Variants in UNC5D observed in about 807,000 individuals in gnomAD.
UNC5D encodes the protein netrin receptor UNC5D.
In UNC5D, 39 loss-of-function variants were observed where a neutral mutation model predicts 105.4. That is an observed-to-expected ratio of 0.37 (90% CI 0.29 to 0.48). The LOEUF (loss-of-function observed/expected upper bound fraction) is 0.48, where lower values mean the gene tolerates loss of function less well. Ranked by LOEUF, UNC5D falls within the 20% of genes least tolerant of loss-of-function variation. The pLI, the probability that UNC5D is intolerant of heterozygous loss-of-function variation, is 0.98. For synonymous variants in UNC5D, 452 were observed against 450.4 expected (o/e 1.00, Z -0.04); for missense variants, 991 against 1,202.4 (o/e 0.82, Z 2.60).
At chr8:35,350,523 C>T (rs1045692348) in intron 1 of UNC5D, among the ~76,000 whole-genome samples, 5 of 151,920 alleles carry the variant, frequency 3.3e-5, no homozygotes, top group Non-Finnish European at 5.9e-5. Context: ...TACTATTCAA[C>T]GATATATTTA....
At chr8:35,738,073 T>C (rs1829566061) in intron 11 of UNC5D, among the ~76,000 whole-genome samples, 1 of 152,050 alleles carries the variant, frequency 6.6e-6, no homozygotes, top group Non-Finnish European at 1.5e-5. Flanking sequence ...GCCATTGCAC[T>C]CCAGCCTGGG....
chr8:35,411,281 A>G (rs1805148139), intron 1 of UNC5D, among the ~76,000 whole-genome samples: 1 of 152,012 alleles, frequency 6.6e-6, no homozygotes, highest in African/African-American at 2.4e-5. Flanking sequence ...CCCTCCTGAG[A>G]TTTGCAAATT....
chr8:35,368,791 AAG>A (rs1802274793), intron 1 of UNC5D, among the ~76,000 whole-genome samples: 1 of 152,176 alleles, frequency 6.6e-6, no homozygotes, highest in Non-Finnish European at 1.5e-5. Flanking sequence ...CCCTTAGAAC[AAG>A]AGACAGTAGA....
intron 1 of UNC5D, among the ~76,000 whole-genome samples, chr8:35,372,939 T>A (rs972881961): frequency 2.0e-5 from 3 of 152,210 alleles, no homozygotes; most frequent in African/African-American, 7.2e-5. Context: ...CATATTTCCT[T>A]TGAGCAAATG....
At chr8:35,497,874 A>G (rs1811705797) in intron 1 of UNC5D, among the ~76,000 whole-genome samples, 1 of 151,950 alleles carries the variant, frequency 6.6e-6, no homozygotes, top group African/African-American at 2.4e-5. Flanking sequence ...GTTTGAGACC[A>G]GCCTGACCAA....
At chr8:35,748,381 CTCCAGACCAG>C (rs1210409881) in intron 11 of UNC5D, 136 bp from the exon 12 acceptor site, 1 of 799,730 alleles carries the variant, frequency 1.3e-6, no homozygotes, top group African/African-American at 1.8e-5. Flanking sequence ...AATGCTTGTT[CTCCAGACCAG>C]TCCTTTGTAA....
At chr8:35,512,180 A>C (rs1586015693) in intron 1 of UNC5D, among the ~76,000 whole-genome samples, 1 of 152,112 alleles carries the variant, frequency 6.6e-6, no homozygotes, top group East Asian at 1.9e-4. Flanking sequence ...ATAAAGCATA[A>C]GTTCAAAAGT....
intron 8 of UNC5D, among the ~76,000 whole-genome samples, chr8:35,718,838 A>G (rs1377323108): frequency 1.3e-5 from 2 of 152,162 alleles, no homozygotes; most frequent in South Asian, 2.1e-4. Flanking sequence ...GTCGGGGGGT[A>G]TATGTTACAC....
chr8:35,550,546 A>G (rs7845667), intron 2 of UNC5D, among the ~76,000 whole-genome samples: 22,714 of 152,114 alleles, frequency 0.15, 2,119 homozygotes, highest in East Asian at 0.26. Context: ...TATTAACTAT[A>G]TAGCAACGAT....
In UNC5D at chr8:35,726,381, C is replaced by T. The variant is rs1227092630; in HGVS notation, c.1533C>T (p.Pro511=). Residue 511 remains proline (P), a synonymous_variant, in exon 10 of 17, where the codon CCC becomes CCT. Transcript: ENST00000404895. ...GCAAGAATCATTCCAGGACTTTTCC[C>T]CATGGAAACAACCACAGCTTTAGTA... ...YHGKNHSRTF[P]HGNNHSFSTM... 2 of 1,614,100 alleles carry T rather than the reference C, an allele frequency of 1.2e-6. No homozygotes were observed. Among genetic ancestry groups the T allele is most frequent in the Non-Finnish European group, 1.7e-6 (2 of 1,180,012 alleles).
chr8:35,613,617 G>T (rs1056093275), intron 4 of UNC5D, among the ~76,000 whole-genome samples: 1 of 152,096 alleles, frequency 6.6e-6, no homozygotes, highest in Non-Finnish European at 1.5e-5. Context: ...CAGCACTTTG[G>T]GTGGGTGGGT....
intron 1 of UNC5D, among the ~76,000 whole-genome samples, chr8:35,424,614 A>G (rs1370564428): frequency 1.3e-5 from 2 of 152,154 alleles, no homozygotes; most frequent in Non-Finnish European, 2.9e-5. Context: ...CTGGCTTGGT[A>G]AATCTGGGTG....
chr8:35,430,926 A>G (rs1806591400), intron 1 of UNC5D, among the ~76,000 whole-genome samples: 1 of 152,116 alleles, frequency 6.6e-6, no homozygotes. Flanking sequence ...GCACAAACAC[A>G]CTACTTAAGT....
In UNC5D at chr8:35,750,782, T is replaced by C; in HGVS notation, c.2136T>C (p.Cys712=). The part of the protein sequence containing the change: ...NSLDYNLRVY[C]VDNTPCAFQE... Reference sequence around the variant, plus strand: ...TGGATTACAACTTGAGAGTTTACTGTGTGGACAATACCCCTTGTGCATTTC... The same window carrying C: ...TGGATTACAACTTGAGAGTTTACTGCGTGGACAATACCCCTTGTGCATTTC... Residue 712 remains cysteine (C), a synonymous_variant, in exon 13 of 17, where the codon TGT becomes TGC. Transcript: ENST00000404895. 1 of 1,614,172 alleles carries C rather than the reference T, an allele frequency of 6.2e-7. No individual in the cohort carries two copies. The highest frequency in any genetic ancestry group is 8.5e-7 in the Non-Finnish European group (1 of 1,180,014).
chr8:35,790,285 C>T (rs1802976615), intron 16 of UNC5D, 74 bp from the exon 17 acceptor site: 2 of 1,469,590 alleles, frequency 1.4e-6, no homozygotes, highest in South Asian at 1.1e-5. Context: ...TTTTAATTCT[C>T]TTATGGTGAT....
At chr8:35,397,729 G>A (rs1029218093) in intron 1 of UNC5D, among the ~76,000 whole-genome samples, 3 of 152,044 alleles carry the variant, frequency 2.0e-5, no homozygotes, top group African/African-American at 4.8e-5. Flanking sequence ...AGCCACTCTC[G>A]TTTGTAGTCT....
At chr8:35,517,146 C>A (rs1813149325) in intron 1 of UNC5D, among the ~76,000 whole-genome samples, 1 of 152,130 alleles carries the variant, frequency 6.6e-6, no homozygotes, top group African/African-American at 2.4e-5. Flanking sequence ...TTTCCAAGAT[C>A]CTCCCTTTAG....
intron 1 of UNC5D, among the ~76,000 whole-genome samples, chr8:35,303,165 A>T (rs1808087288): frequency 6.6e-6 from 1 of 152,116 alleles, no homozygotes; most frequent in Non-Finnish European, 1.5e-5. Context: ...CTATTTCTAC[A>T]TAGAGCACAT....
intron 1 of UNC5D, among the ~76,000 whole-genome samples, chr8:35,336,352 A>G (rs2128897700): frequency 6.6e-6 from 1 of 152,276 alleles, no homozygotes; most frequent in Non-Finnish European, 1.5e-5. Flanking sequence ...GATTTTTGTG[A>G]CAGATTACAT....
Sources: allele counts gnomAD v4.1 joint callset (sites outside exome capture counted in the v4.1 genomes callset), GRCh38; gene constraint gnomAD v4.1.1; transcripts MANE v1.5; gene names NCBI Gene and HGNC (gene_info 2026-07-23, HGNC 2026-07-21).